The following CTNNA3 variants were observed in gnomAD, a reference collection of about 807,000 sequenced individuals.
The protein encoded by CTNNA3 is catenin alpha 3, also known as catenin alpha-3.
CTNNA3 carries 76 observed loss-of-function variants against 95.7 expected under a neutral mutation model. The ratio of observed to expected loss-of-function variants is 0.79; its 90% CI spans 0.66 to 0.96. The LOEUF (loss-of-function observed/expected upper bound fraction) is 0.96, where lower values mean the gene tolerates loss of function less well. Ranked by LOEUF, CTNNA3 falls within the 40% of genes least tolerant of loss-of-function variation. The pLI is 0.00. For synonymous variants in CTNNA3, 431 were observed against 374.4 expected (o/e 1.15, Z -1.74); for missense variants, 1,191 against 1,089.8 (o/e 1.09, Z -1.31).
At chr10:66,431,207 C>A (rs1329396433) in intron 11 of CTNNA3, among the ~76,000 whole-genome samples, 1 of 152,132 alleles carries the variant, frequency 6.6e-6, no homozygotes, top group East Asian at 1.9e-4. Flanking sequence ...CATCGTCTCA[C>A]ACCAGTTAGA....
chr10:67,616,899 T>A (rs1843675599), intron 2 of CTNNA3, among the ~76,000 whole-genome samples: 1 of 152,206 alleles, frequency 6.6e-6, no homozygotes, highest in South Asian at 2.1e-4. Context: ...TTTTTTTTAA[T>A]CAGAGATTGA....
At chr10:67,333,914 T>C (rs575003301) in intron 5 of CTNNA3, among the ~76,000 whole-genome samples, 33 of 152,258 alleles carry the variant, frequency 2.2e-4, no homozygotes, top group Admixed American at 2.0e-3. Flanking sequence ...TGGACAAAAG[T>C]AGAGTGTCAT....
chr10:66,409,126 G>C (rs2093080122), intron 11 of CTNNA3, among the ~76,000 whole-genome samples: 1 of 152,032 alleles, frequency 6.6e-6, no homozygotes, highest in Non-Finnish European at 1.5e-5. Context: ...TCCAAATAGT[G>C]AATCTGCCTC....
chr10:67,310,489 G>A (rs937978283), intron 5 of CTNNA3, among the ~76,000 whole-genome samples: 6 of 152,104 alleles, frequency 3.9e-5, no homozygotes, highest in Non-Finnish European at 7.4e-5. Context: ...CCCCAAATGT[G>A]CTCACAATTT....
At chr10:66,579,212 T>G (rs1843106207) in intron 10 of CTNNA3, among the ~76,000 whole-genome samples, 1 of 151,914 alleles carries the variant, frequency 6.6e-6, no homozygotes, top group African/African-American at 2.4e-5. Context: ...TGTATTTATT[T>G]GGTTCTTCTC....
In CTNNA3 at chr10:67,379,743, C is replaced by T. The variant is rs373667457; in HGVS notation, c.579+142099G>A. On this transcript the variant is annotated intron_variant, in intron 5 of 17. Transcript: ENST00000433211. ...GAGCATAGAATTAGTCTGGAGAGGC[C>T]GGGCGCGGTGGCTCACGCCTGTAAT... Among the ~76,000 whole-genome samples, 59 of 152,064 alleles carry T rather than the reference C, an allele frequency of 3.9e-4. 1 individual carries two copies. The South Asian group carries it at 4.8e-3, about 12-fold the overall frequency.
At chr10:66,908,313 A>G (rs1846078234) in intron 7 of CTNNA3, among the ~76,000 whole-genome samples, 1 of 152,206 alleles carries the variant, frequency 6.6e-6, no homozygotes, top group African/African-American at 2.4e-5. Context: ...ATGTGACTCC[A>G]TGCCAGTTTC....
intron 5 of CTNNA3, among the ~76,000 whole-genome samples, chr10:67,410,576 A>G (rs1845325628): frequency 6.6e-6 from 1 of 151,644 alleles, no homozygotes; most frequent in Non-Finnish European, 1.5e-5. Flanking sequence ...ACTCTTCCAC[A>G]CTATTGGTCA....
intron 7 of CTNNA3, among the ~76,000 whole-genome samples, chr10:67,115,006 A>G (rs925502230): frequency 1.3e-5 from 2 of 152,100 alleles, no homozygotes; most frequent in African/African-American, 4.8e-5. Context: ...CCTATATAGC[A>G]TGTCTTGTCG....
At chr10:66,028,446 G>A (rs1041039483) in intron 15 of CTNNA3, among the ~76,000 whole-genome samples, 1 of 152,042 alleles carries the variant, frequency 6.6e-6, no homozygotes, top group African/African-American at 2.4e-5. Flanking sequence ...TCCTTTGTAA[G>A]GACATAGATG....
chr10:67,087,170 T>C (rs1319710627), intron 7 of CTNNA3, among the ~76,000 whole-genome samples: 1 of 151,988 alleles, frequency 6.6e-6, no homozygotes, highest in Non-Finnish European at 1.5e-5. Flanking sequence ...TGAACACACT[T>C]TGGGGCATTT....
rs1382945472 is a variant in CTNNA3 at position 66,335,646 on chromosome 10, G to A, written c.1732+43506C>T. Among the ~76,000 whole-genome samples, 13 of 152,192 alleles carry A rather than the reference G, an allele frequency of 8.5e-5. No individual in the cohort carries two copies. The East Asian group carries it at 2.5e-3, about 29-fold the overall frequency. On this transcript the variant is annotated intron_variant, in intron 12 of 17. Coordinates refer to ENST00000433211, the MANE Select transcript of CTNNA3 (RefSeq NM_013266.4). ...GAAGTGTCAGTCTGCCCCTACTTTG[G>A]GGTGCCTCCCAGTTAGGCTACTCGG...
intron 17 of CTNNA3, among the ~76,000 whole-genome samples, chr10:65,961,502 G>A (rs1232256151): frequency 2.0e-5 from 3 of 152,098 alleles, no homozygotes; most frequent in African/African-American, 7.2e-5. Flanking sequence ...GGACTTTATA[G>A]TCTAGAGGGG....
At chr10:65,956,816 T>C (rs550617181) in intron 17 of CTNNA3, among the ~76,000 whole-genome samples, 11 of 152,330 alleles carry the variant, frequency 7.2e-5, no homozygotes, top group African/African-American at 2.4e-4. Flanking sequence ...AACTATGTTG[T>C]CAATTTTGGA....
intron 7 of CTNNA3, among the ~76,000 whole-genome samples, chr10:66,995,341 T>G (rs1297166658): frequency 6.6e-6 from 1 of 152,108 alleles, no homozygotes; most frequent in East Asian, 1.9e-4. Flanking sequence ...GGATCTCATC[T>G]TTTTCCTTTT....
chr10:66,089,236 C>A (rs1364822141), intron 14 of CTNNA3, among the ~76,000 whole-genome samples: 5 of 151,690 alleles, frequency 3.3e-5, no homozygotes, highest in African/African-American at 1.2e-4. Context: ...GTTGCTGGAA[C>A]TCAGGAGCTG....
chr10:66,302,823 A>T, intron 12 of CTNNA3, among the ~76,000 whole-genome samples: 1 of 152,168 alleles, frequency 6.6e-6, no homozygotes, highest in East Asian at 1.9e-4. Flanking sequence ...TCCTAATAAA[A>T]TTTTAGCAAG....
chr10:66,402,592 G>A (rs1467788943), intron 11 of CTNNA3, among the ~76,000 whole-genome samples: 1 of 152,118 alleles, frequency 6.6e-6, no homozygotes, highest in Non-Finnish European at 1.5e-5. Context: ...CTTTTTAAAA[G>A]CCTATGGATC....
chr10:65,961,727 A>T (rs1246279041), intron 17 of CTNNA3, among the ~76,000 whole-genome samples: 1 of 151,938 alleles, frequency 6.6e-6, no homozygotes, highest in Non-Finnish European at 1.5e-5. Flanking sequence ...GTGAAATATA[A>T]CAGTATGACT....
Sources: gnomAD v4.1 joint callset for allele counts (sites outside exome capture counted in the v4.1 genomes callset) on GRCh38, gnomAD v4.1.1 for gene constraint, MANE v1.5 for transcripts, NCBI Gene and HGNC (gene_info 2026-07-23, HGNC 2026-07-21) for gene names.